The following NEMP2 variants were observed in gnomAD, a reference collection of about 807,000 sequenced individuals.
The protein encoded by NEMP2 is nuclear envelope integral membrane protein 2, also known as UPF0571 transmembrane protein.
Under a neutral mutation model 54.2 loss-of-function variants are expected in NEMP2, and 53 were observed. That is an observed-to-expected ratio of 0.98 (90% CI 0.78 to 1.23). The LOEUF (loss-of-function observed/expected upper bound fraction) is 1.23, where lower values mean the gene tolerates loss of function less well. NEMP2 is among the 50% of genes most tolerant of loss of function. The probability of loss-of-function intolerance (pLI) is 0.00; values close to 1 mark genes in which losing one functional copy is unlikely to be tolerated. For synonymous variants in NEMP2, 197 were observed against 190.3 expected (o/e 1.04, Z -0.29); for missense variants, 455 against 511.3 (o/e 0.89, Z 1.06).
chr2:190,438,025 T>C, the NEMP2 span, among the ~76,000 whole-genome samples: 1,582 of 152,262 alleles, frequency 0.01, 32 homozygotes, highest in African/African-American at 0.035. This position sits in a 1 kb window ranked among gnomAD's most constrained non-coding sequence, Gnocchi z 5.2. Context: ...TCTAAAGATG[T>C]CCATTATATC....
chr2:190,591,844 A>G, the NEMP2 span, among the ~76,000 whole-genome samples: 2 of 152,150 alleles, frequency 1.3e-5, no homozygotes, highest in African/African-American at 4.8e-5. The surrounding 1 kb of genome is among the most constrained non-coding windows in gnomAD (Gnocchi z 5.4). Context: ...TTGAGTGTCT[A>G]CTATTTGCAG....
At chr2:190,547,644 ACCT>A in the NEMP2 span, among the ~76,000 whole-genome samples, 1 of 151,928 alleles carries the variant, frequency 6.6e-6, no homozygotes, top group African/African-American at 2.4e-5. This position sits in a 1 kb window ranked among gnomAD's most constrained non-coding sequence, Gnocchi z 6.2. Flanking sequence ...TCGTGCTTCA[ACCT>A]CCTGAGTAGC....
At chr2:190,502,060 A>G (rs1425341622), downstream of NEMP2, 1 of 152,656 alleles carries the variant, frequency 6.6e-6, no homozygotes, top group African/African-American at 2.4e-5. The surrounding 1 kb of genome is among the most constrained non-coding windows in gnomAD (Gnocchi z 4.4). Context: ...TTGAAATAAA[A>G]ATGAATACCA....
chr2:190,614,784 A>G, the NEMP2 span, among the ~76,000 whole-genome samples: 15 of 152,218 alleles, frequency 9.9e-5, no homozygotes, highest in Non-Finnish European at 1.9e-4. This position sits in a 1 kb window ranked among gnomAD's most constrained non-coding sequence, Gnocchi z 5.7. Context: ...AGCAAGCCCT[A>G]TGGCTTCCCT....
At chr2:190,560,440 C>A in the NEMP2 span, among the ~76,000 whole-genome samples, 1 of 152,194 alleles carries the variant, frequency 6.6e-6, no homozygotes, top group South Asian at 2.1e-4. This position sits in a 1 kb window ranked among gnomAD's most constrained non-coding sequence, Gnocchi z 5.4. Flanking sequence ...TATATCTACT[C>A]ATTTCTACTT....
chr2:190,489,625 G>A, the NEMP2 span: 2 of 681,856 alleles, frequency 2.9e-6, no homozygotes, highest in Non-Finnish European at 4.9e-6. This position sits in a 1 kb window ranked among gnomAD's most constrained non-coding sequence, Gnocchi z 6.6. Context: ...TTTCCATTAT[G>A]TGGAGCTAAT....
At chr2:190,447,550 T>C in the NEMP2 span, among the ~76,000 whole-genome samples, 1 of 152,222 alleles carries the variant, frequency 6.6e-6, no homozygotes, top group Non-Finnish European at 1.5e-5. This position sits in a 1 kb window ranked among gnomAD's most constrained non-coding sequence, Gnocchi z 4.5. Context: ...GAAGCCACAT[T>C]AAAAAATAAA....
chr2:190,581,353 A>G, the NEMP2 span, among the ~76,000 whole-genome samples: 1 of 152,240 alleles, frequency 6.6e-6, no homozygotes, highest in Non-Finnish European at 1.5e-5. Context: ...TCAGCTTTAA[A>G]CCAACAAATT....
chr2:190,440,542 C>T, the NEMP2 span, among the ~76,000 whole-genome samples: 3 of 152,290 alleles, frequency 2.0e-5, no homozygotes, highest in Non-Finnish European at 4.4e-5. Flanking sequence ...CATTGCTTAA[C>T]ATTTTAGCAG....
At chr2:190,494,712 T>G in the NEMP2 span, among the ~76,000 whole-genome samples, 8 of 152,190 alleles carry the variant, frequency 5.3e-5, no homozygotes, top group Non-Finnish European at 8.8e-5. This position sits in a 1 kb window ranked among gnomAD's most constrained non-coding sequence, Gnocchi z 5.7. Flanking sequence ...AGCCAATAAA[T>G]GTCTTTCACC....
At chr2:190,463,354 T>C in the NEMP2 span, among the ~76,000 whole-genome samples, 3,324 of 152,290 alleles carry the variant, frequency 0.022, 127 homozygotes, top group African/African-American at 0.076. The surrounding 1 kb of genome is among the most constrained non-coding windows in gnomAD (Gnocchi z 4.4). Context: ...AGTGATTATG[T>C]AGAAATAAGC....
chr2:190,517,733 A>G lies in NEMP2; in HGVS notation c.519-120T>C, dbSNP rs1047943159. 5.5e-6 allele frequency: 4 copies of G among 720,932 alleles called. No individual in the cohort carries two copies. In the African/African-American group the frequency reaches 7.3e-5, roughly 13 times the overall value. 44.7% of individuals were successfully genotyped at this position (720,932 alleles called of 1,614,324 possible). On this transcript the variant is annotated intron_variant, in intron 4 of 8. Coordinates refer to ENST00000409150, the MANE Select transcript of NEMP2 (RefSeq NM_001142645.2). The stretch of plus-strand genomic sequence containing the variant: ...ACTAAGAACAGAAAACTCAGATGGC[A>G]GCTCTCATTACATCCTATACTCTTA...
At chr2:190,597,272 A>AT in the NEMP2 span, among the ~76,000 whole-genome samples, 5 of 151,908 alleles carry the variant, frequency 3.3e-5, no homozygotes, top group Non-Finnish European at 7.4e-5. This position sits in a 1 kb window ranked among gnomAD's most constrained non-coding sequence, Gnocchi z 4.7. Context: ...CCAAAAAAAA[A>AT]AAAAGCTTTC....
chr2:190,489,828 C>T, the NEMP2 span: 1 of 1,614,016 alleles, frequency 6.2e-7, no homozygotes, highest in Admixed American at 1.7e-5. This position sits in a 1 kb window ranked among gnomAD's most constrained non-coding sequence, Gnocchi z 6.6. Context: ...CTGCTCTTTG[C>T]CCTGATCCAG....
At chr2:190,646,008 A>C in the NEMP2 span, among the ~76,000 whole-genome samples, 3 of 152,318 alleles carry the variant, frequency 2.0e-5, no homozygotes, top group Non-Finnish European at 2.9e-5. Context: ...CCAGCCCTAA[A>C]CCTGGCACAT....
the NEMP2 span, among the ~76,000 whole-genome samples, chr2:190,585,692 C>G: frequency 2.6e-5 from 4 of 152,262 alleles, no homozygotes; most frequent in African/African-American, 9.6e-5. The surrounding 1 kb of genome is among the most constrained non-coding windows in gnomAD (Gnocchi z 5.3). Context: ...GTATCATCTC[C>G]CTAAAGGATC....
At position 190,509,967 on chromosome 2, in the gene NEMP2, G is replaced by C. The variant is rs1052334449; in HGVS notation, c.1130+394C>G. ...GAGGCAGGAGAATTGCTTGAACCTG[G>C]CAGGCGGAGGTTGCAATGAGCTGAG... On this transcript the variant is annotated intron_variant, in intron 8 of 8. Coordinates refer to ENST00000409150, the MANE Select transcript of NEMP2 (RefSeq NM_001142645.2). This position sits in a 1 kb window ranked among gnomAD's most constrained non-coding sequence, Gnocchi z 6.1. 2.6e-5 allele frequency among the ~76,000 whole-genome samples: 4 copies of C among 152,234 alleles called. No individual in the cohort carries two copies. The highest frequency in any genetic ancestry group is 9.6e-5 in the African/African-American group (4 of 41,466).
At chr2:190,628,941 CAATCA>C in the NEMP2 span, among the ~76,000 whole-genome samples, 3 of 152,284 alleles carry the variant, frequency 2.0e-5, no homozygotes, top group South Asian at 2.1e-4. This position sits in a 1 kb window ranked among gnomAD's most constrained non-coding sequence, Gnocchi z 4.1. Flanking sequence ...CCACAAAGCA[CAATCA>C]TAATTCTTTC....
the NEMP2 span, among the ~76,000 whole-genome samples, chr2:190,624,331 T>C: frequency 1.3e-5 from 2 of 152,160 alleles, no homozygotes; most frequent in Admixed American, 6.5e-5. Context: ...GAAAGGGGAA[T>C]ACCCATACAT....
Sources: allele counts gnomAD v4.1 joint callset (sites outside exome capture counted in the v4.1 genomes callset), GRCh38; gene constraint gnomAD v4.1.1; non-coding constraint Gnocchi (gnomAD v3.1); transcripts MANE v1.5; gene names NCBI Gene and HGNC (gene_info 2026-07-23, HGNC 2026-07-21).